INPP5E: variants seen among roughly 807,000 people sequenced by gnomAD.
INPP5E encodes the protein inositol polyphosphate-5-phosphatase E.
Under a neutral mutation model 50.5 loss-of-function variants are expected in INPP5E, and 34 were observed. That is an observed-to-expected ratio of 0.67 (90% CI 0.51 to 0.90). The LOEUF (loss-of-function observed/expected upper bound fraction) is 0.90, where lower values mean the gene tolerates loss of function less well. Among genes scored for constraint, INPP5E ranks in the 40% least tolerant of loss-of-function variants. INPP5E has a pLI of 0.00. For synonymous variants in INPP5E, 447 were observed against 406.0 expected (o/e 1.10, Z -1.21); for missense variants, 942 against 905.5 (o/e 1.04, Z -0.52).
At chr9:136,429,904 C>G (rs1158416784) in intron 9 of INPP5E, 97 bp from the exon 10 acceptor site, 1 of 886,350 alleles carries the variant, frequency 1.1e-6, no homozygotes, top group Admixed American at 1.9e-5. Flanking sequence ...TTTAAGAGGA[C>G]ACCCAGGGCC....
chr9:136,432,449 AC>A, intron 6 of INPP5E, 29 bp downstream of exon 6: 1 of 1,435,442 alleles, frequency 7.0e-7, no homozygotes. Flanking sequence ...CCACGGCGGC[AC>A]CACCCACACG....
rs1468490936 is a variant in INPP5E at position 136,438,595 on chromosome 9, A to G, written c.812+13T>C. On this transcript the variant is annotated intron_variant, in intron 1 of 9. Transcript: ENST00000371712. ...AGGCGGCGCGGGCGCTGCACCCGCC[A>G]GGCCCTCCCTACCTGCTGCGGACGT... is the stretch of plus-strand genomic sequence containing the variant. The G allele has an allele frequency of 1.7e-6, 2 of 1,174,358 alleles. No homozygotes were observed. The highest frequency in any genetic ancestry group is 4.7e-5 in the Admixed American group (1 of 21,094). 72.7% of individuals were successfully genotyped at this position (1,174,358 alleles called of 1,614,324 possible).
rs1243230127 is a variant in INPP5E at position 136,431,013 on chromosome 9, G to C, written c.1654C>G (p.Pro552Ala). 1 of 1,610,420 alleles carries C rather than the reference G, an allele frequency of 6.2e-7. No homozygotes were observed. The highest frequency in any genetic ancestry group is 8.5e-7 in the Non-Finnish European group (1 of 1,177,116). ...TGGGCAGGCCTCACCGTGTATGAGG[G>C]CGTCCTCTGCTTGGAGGTGCTGTCG... ...TYDSTSKQRTPSYTDRVLYRS... is the reference protein window; with the variant it reads ...TYDSTSKQRTASYTDRVLYRS... Residue 552 changes from proline to alanine, a missense_variant, in exon 8 of 10, where the codon CCC becomes GCC. Pro to Ala is a conservative substitution (Grantham distance 27). Coordinates refer to ENST00000371712, the MANE Select transcript of INPP5E (RefSeq NM_019892.6).
In INPP5E at chr9:136,433,898, C is replaced by T. The variant is rs1197640591; in HGVS notation, c.1034+139G>A. 18 of 726,278 alleles carry T rather than the reference C, an allele frequency of 2.5e-5. No individual in the cohort carries two copies. The East Asian group carries it at 3.8e-4, about 15-fold the overall frequency. The allele number at this position is 726,278 out of a possible 1,614,324, so 45.0% of individuals were successfully genotyped here. Reference sequence around the variant, plus strand: ...TGCCCGGCCACGAACCGGGTATCAGCGCCCAGCAGCTTCACAGATGGCAGC... The same window carrying T: ...TGCCCGGCCACGAACCGGGTATCAGTGCCCAGCAGCTTCACAGATGGCAGC... On this transcript the variant is annotated intron_variant, in intron 3 of 9. Transcript: ENST00000371712.
intron 7 of INPP5E, 90 bp from the exon 8 acceptor site, chr9:136,431,207 G>GCCCCCCCCC: frequency 1.3e-5 from 9 of 683,484 alleles, no homozygotes; most frequent in Admixed American, 2.4e-5. Context: ...CTCCCACCAC[G>GCCCCCCCCC]CCCACCCTCC....
In INPP5E at chr9:136,429,458, A is replaced by C; in HGVS notation, c.*217T>G. On this transcript the variant is annotated 3_prime_UTR_variant, in exon 10 of 10. Coordinates refer to ENST00000371712, the MANE Select transcript of INPP5E (RefSeq NM_019892.6). ...CCCATGCTGTATGGACCTGCCATGGAGACGGGGGTCCAAGCCCTGCCCACC... is the reference window on the plus strand; with the variant it reads ...CCCATGCTGTATGGACCTGCCATGGCGACGGGGGTCCAAGCCCTGCCCACC... 1 of 672,744 alleles carries C rather than the reference A, an allele frequency of 1.5e-6. No homozygotes were observed. Among genetic ancestry groups the C allele is most frequent in the South Asian group, 1.6e-5 (1 of 61,250 alleles). 41.7% of individuals were successfully genotyped at this position (672,744 alleles called of 1,614,324 possible). A position where few individuals can be genotyped will look rare whatever the true frequency, so the allele number is the denominator to read the frequency against.
In INPP5E at chr9:136,429,238, T is replaced by C. The variant is rs1488394344; in HGVS notation, c.*437A>G. On this transcript the variant is annotated 3_prime_UTR_variant, in exon 10 of 10. Coordinates refer to ENST00000371712, the MANE Select transcript of INPP5E (RefSeq NM_019892.6). ...CCGTGTGACATGGGGTGGTGTGTGT[T>C]TGAGGGGCTGCCAGGAGGACACAGA... 1 of 311,636 alleles carries C rather than the reference T, an allele frequency of 3.2e-6. No individual in the cohort carries two copies. The highest frequency in any genetic ancestry group is 2.2e-5 in the African/African-American group (1 of 46,352). 19.3% of individuals were successfully genotyped at this position (311,636 alleles called of 1,614,324 possible).
chr9:136,437,233 G>A (rs1162905754), intron 1 of INPP5E: 1 of 152,188 alleles, frequency 6.6e-6, no homozygotes, highest in Non-Finnish European at 1.5e-5. Context: ...GGCTACCTTC[G>A]GGGACTGTGG....
chr9:136,429,471 A>G lies in INPP5E; in HGVS notation c.*204T>C. 1.4e-6 allele frequency: 1 copy of G among 719,516 alleles called. No individual in the cohort carries two copies. Among genetic ancestry groups the G allele is most frequent in the Non-Finnish European group, 2.5e-6 (1 of 405,580 alleles). 44.6% of individuals were successfully genotyped at this position (719,516 alleles called of 1,614,324 possible). A position where few individuals can be genotyped will look rare whatever the true frequency, so the allele number is the denominator to read the frequency against. On this transcript the variant is annotated 3_prime_UTR_variant, in exon 10 of 10. Transcript: ENST00000371712. ...GACCTGCCATGGAGACGGGGGTCCA[A>G]GCCCTGCCCACCCACACCGTGTGGA...
Position 136,439,157 on chromosome 9 carries a change from T to C in INPP5E, c.263A>G (p.Asp88Gly), listed in dbSNP as rs1057482033. 2.5e-6 allele frequency: 4 copies of C among 1,572,630 alleles called. No individual in the cohort carries two copies. The African/African-American group carries it at 5.4e-5, about 21-fold the overall frequency. The change falls in exon 1 of 10, where the codon GAC (aspartate) becomes GGC (glycine). Residue 88 changes from aspartate to glycine, a missense_variant. Asp to Gly is a moderately conservative substitution (Grantham distance 94). Coordinates refer to ENST00000371712, the MANE Select transcript of INPP5E (RefSeq NM_019892.6). Reference sequence around the variant, plus strand: ...AAAACGCCTCCTCCTCCAGCCCTTGTCGTCCAGGGACAGGGCTCGCTCCAG... The same window carrying C: ...AAAACGCCTCCTCCTCCAGCCCTTGCCGTCCAGGGACAGGGCTCGCTCCAG... ...PRLERALSLD[D>G]KGWRRRRFRG...
At chr9:136,433,660 C>T (rs887627351) in intron 3 of INPP5E, among the ~76,000 whole-genome samples, 4 of 152,216 alleles carry the variant, frequency 2.6e-5, no homozygotes, top group Admixed American at 2.6e-4. Flanking sequence ...TGGGGCCCGG[C>T]CCTGCTCCGG....
In INPP5E at chr9:136,430,274, G is replaced by C. The variant is rs1374950555; in HGVS notation, c.1802+3C>G. On this transcript the variant is annotated splice_donor_region_variant and intron_variant, in intron 9 of 9. Transcript: ENST00000371712. ...GGGGGAAGGTGAGCGGGAGAACACT[G>C]ACTTGTCTCGCCCCGGCCTCACTTT... is the stretch of plus-strand genomic sequence containing the variant. 6.4e-6 allele frequency: 10 copies of C among 1,551,194 alleles called. No homozygotes were observed. The highest frequency in any genetic ancestry group is 8.7e-6 in the Non-Finnish European group (10 of 1,146,996).
At chr9:136,434,984 G>A in intron 1 of INPP5E, 121 bp from the exon 2 acceptor site, 1 of 1,250,070 alleles carries the variant, frequency 8.0e-7, no homozygotes, top group Non-Finnish European at 1.1e-6. Flanking sequence ...CCAGCCCCAA[G>A]CAAGGACTCT....
At chr9:136,432,447 G>T in intron 6 of INPP5E, 32 bp downstream of exon 6, 1 of 1,424,822 alleles carries the variant, frequency 7.0e-7, no homozygotes, top group Non-Finnish European at 9.7e-7. Context: ...AACCACGGCG[G>T]CACCACCCAC....
intron 1 of INPP5E, chr9:136,435,372 G>A (rs934666394): frequency 3.9e-5 from 8 of 202,842 alleles, no homozygotes; most frequent in African/African-American, 1.4e-4. Flanking sequence ...AGTGGGGACA[G>A]GGTCTCACTC....
chr9:136,430,842 G>A (rs927827274), intron 8 of INPP5E, among the ~76,000 whole-genome samples, 160 bp downstream of exon 8: 4 of 152,052 alleles, frequency 2.6e-5, no homozygotes, highest in African/African-American at 4.8e-5. Context: ...AGAGGGCGCC[G>A]TTCTCCACCA....
In INPP5E at chr9:136,439,210, G is replaced by A. The variant is rs1444322599; in HGVS notation, c.210C>T (p.Ile70=). ...GEDPPARAAP[I]APRPPARPRL... Reference sequence around the variant, plus strand: ...GAGGCCTGGCGGGGGGCCGCGGGGCGATGGGTGCTGCTCGGGCTGGCGGGT... The same window carrying A: ...GAGGCCTGGCGGGGGGCCGCGGGGCAATGGGTGCTGCTCGGGCTGGCGGGT... Residue 70 remains isoleucine (I), a synonymous_variant, in exon 1 of 10, where the codon ATC becomes ATT. Coordinates refer to ENST00000371712, the MANE Select transcript of INPP5E (RefSeq NM_019892.6). 4.5e-6 allele frequency: 7 copies of A among 1,539,054 alleles called. No individual in the cohort carries two copies. In the Admixed American group the frequency reaches 7.8e-5, roughly 17 times the overall value.
At chr9:136,434,525 C>T (rs1835788014) in intron 2 of INPP5E, among the ~76,000 whole-genome samples, 1 of 152,030 alleles carries the variant, frequency 6.6e-6, no homozygotes, top group Non-Finnish European at 1.5e-5. Flanking sequence ...CTACTTTCTG[C>T]AGCCACGTGG....
chr9:136,437,355 G>C (rs1278957609), intron 1 of INPP5E: 4 of 152,254 alleles, frequency 2.6e-5, no homozygotes, highest in Non-Finnish European at 4.4e-5. Context: ...TAAGGATCTC[G>C]AGATAAGACC....
Sources: gnomAD v4.1 joint callset for allele counts (sites outside exome capture counted in the v4.1 genomes callset) on GRCh38, gnomAD v4.1.1 for gene constraint, MANE v1.5 for transcripts, NCBI Gene and HGNC (gene_info 2026-07-23, HGNC 2026-07-21) for gene names.